The following EEPD1 variants were observed in gnomAD, a reference collection of about 807,000 sequenced individuals.
EEPD1 encodes endonuclease/exonuclease/phosphatase family domain-containing protein 1.
In EEPD1, 17 loss-of-function variants were observed where a neutral mutation model predicts 46.3. The observed-to-expected ratio is 0.37, with a 90% CI of 0.25 to 0.55. The LOEUF (loss-of-function observed/expected upper bound fraction) is 0.55, where lower values mean the gene tolerates loss of function less well. EEPD1 is among the 20% of genes least tolerant of loss of function. The pLI, the probability that EEPD1 is intolerant of heterozygous loss-of-function variation, is 0.83. For missense variants in EEPD1, 673 were observed against 745.6 expected, an observed-to-expected ratio of 0.90 and a Z score of 1.13; for synonymous variants, 313 against 315.6, an observed-to-expected ratio of 0.99 and a Z score of 0.09.
At chr7:36,155,272 A>G (rs1390988110) in intron 2 of EEPD1, 70 bp downstream of exon 2, 1 of 1,454,038 alleles carries the variant, frequency 6.9e-7, no homozygotes, top group Middle Eastern at 1.9e-4. Flanking sequence ...TATGGATGCA[A>G]ATGAATGGAT....
rs748227863 is a variant in EEPD1 at position 36,155,215 on chromosome 7, A to G, written c.878+13A>G. 3 of 1,509,090 alleles carry G rather than the reference A, an allele frequency of 2.0e-6. No individual in the cohort carries two copies. Among genetic ancestry groups the G allele is most frequent in the East Asian group, 2.3e-5 (1 of 43,774 alleles). 93.5% of individuals were successfully genotyped at this position (1,509,090 alleles called of 1,614,324 possible). ...TCCTGGAAAACAGGTGAGGACAGGA[A>G]CCACCATGGGTGTTGGGTGTGAAGG... On this transcript the variant is annotated intron_variant, in intron 2 of 7. Coordinates refer to ENST00000242108, the MANE Select transcript of EEPD1 (RefSeq NM_030636.3).
At chr7:36,205,545 G>A (rs146728768) in intron 2 of EEPD1, among the ~76,000 whole-genome samples, 1 of 152,292 alleles carries the variant, frequency 6.6e-6, no homozygotes, top group Non-Finnish European at 1.5e-5. Flanking sequence ...GGTTTCATGT[G>A]TTCTTGCCCA....
rs62447773 is a variant in EEPD1, at chr7:36,279,594, C to T, written c.931-1521C>T. The stretch of plus-strand genomic sequence containing the variant: ...TGAGAGTGGCTTTCTGCAGCAGAGG[C>T]GTTGGGAGGCTCTGCTGAGAGGGTG... On this transcript the variant is annotated intron_variant, in intron 3 of 7. Transcript: ENST00000242108. Among the ~76,000 whole-genome samples the T allele has an allele frequency of 1.7e-3, 257 of 152,280 alleles. 2 individuals carry two copies. Among genetic ancestry groups the T allele is most frequent in the South Asian group, 2.9e-3 (14 of 4,826 alleles).
In EEPD1 at chr7:36,250,946, A is replaced by G. The variant is rs145833633; in HGVS notation, c.930+11910A>G. Among the ~76,000 whole-genome samples, 61 of 152,344 alleles carry G rather than the reference A, an allele frequency of 4.0e-4. 1 individual carries two copies. The highest frequency in any genetic ancestry group is 6.8e-3 in the Middle Eastern group (2 of 294). ...ACCAAATGAGATGAGCCTAGTGAGG[A>G]AATGAATCAACCCTTACCAGTGGGG... On this transcript the variant is annotated intron_variant, in intron 3 of 7. Coordinates refer to ENST00000242108, the MANE Select transcript of EEPD1 (RefSeq NM_030636.3).
At chr7:36,224,345 G>A (rs1010751223) in intron 2 of EEPD1, among the ~76,000 whole-genome samples, 13 of 152,216 alleles carry the variant, frequency 8.5e-5, no homozygotes, top group South Asian at 4.1e-4. Context: ...AGGAGAGATC[G>A]ATCCTTTACA....
chr7:36,264,155 A>G lies in EEPD1; in HGVS notation c.931-16960A>G, dbSNP rs573909552. 4.6e-5 allele frequency among the ~76,000 whole-genome samples: 7 copies of G among 152,360 alleles called. No homozygotes were observed. In the South Asian group the frequency reaches 8.3e-4, roughly 18 times the overall value. On this transcript the variant is annotated intron_variant, in intron 3 of 7. Transcript: ENST00000242108. ...AAAGCAAGAAGAAAAACTAAGGCAT[A>G]CAGAATTGCAGTTTGGTCTCTCTAG...
intron 2 of EEPD1, among the ~76,000 whole-genome samples, chr7:36,195,563 A>G (rs980234447): frequency 1.3e-5 from 2 of 152,202 alleles, no homozygotes; most frequent in Middle Eastern, 3.2e-3. Flanking sequence ...AGAAGCAGAG[A>G]GTAGAATGGT....
intron 2 of EEPD1, among the ~76,000 whole-genome samples, chr7:36,207,486 C>G (rs1201779715): frequency 6.6e-6 from 1 of 152,146 alleles, no homozygotes; most frequent in African/African-American, 2.4e-5. Flanking sequence ...ACTTGAAATC[C>G]TACCACGTGT....
intron 2 of EEPD1, among the ~76,000 whole-genome samples, chr7:36,168,662 G>A (rs1785028517): frequency 9.0e-6 from 1 of 111,444 alleles, no homozygotes; most frequent in Non-Finnish European, 2.4e-5. Flanking sequence ...AGAGGCTAAG[G>A]TGGGAGAAAG....
chr7:36,284,800 C>G lies in EEPD1; in HGVS notation c.1156C>G (p.Pro386Ala), dbSNP rs1787319113. ...NGHGKLAGPSPYLGRFKVGSH... is the reference protein window; with the variant it reads ...NGHGKLAGPSAYLGRFKVGSH... ...GCACGGGAAGCTGGCGGGCCCCAGC[C>G]CATACCTCGGGAGGTTCAAGGTACC... is the stretch of plus-strand genomic sequence containing the variant. The change falls in exon 5 of 8, where the codon CCA becomes GCA. Residue 386 changes from proline to alanine, a missense_variant. Transcript: ENST00000242108. The G allele has an allele frequency of 2.6e-6, 4 of 1,562,252 alleles. No homozygotes were observed. The East Asian group carries it at 9.6e-5, about 37-fold the overall frequency.
At chr7:36,263,614 G>A (rs771700625) in intron 3 of EEPD1, among the ~76,000 whole-genome samples, 39 of 152,314 alleles carry the variant, frequency 2.6e-4, no homozygotes, top group Non-Finnish European at 5.1e-4. Context: ...TGTACAATTC[G>A]AAGGGGTAAA....
chr7:36,250,751 G>A (rs1183780003), intron 3 of EEPD1, among the ~76,000 whole-genome samples: 2 of 152,252 alleles, frequency 1.3e-5, no homozygotes, highest in East Asian at 3.9e-4. Flanking sequence ...CCAGAAAGAT[G>A]CGTATATGTA....
intron 3 of EEPD1, among the ~76,000 whole-genome samples, chr7:36,272,483 G>A (rs1787123584): frequency 7.1e-6 from 1 of 140,264 alleles, no homozygotes; most frequent in South Asian, 2.3e-4. Flanking sequence ...GCCCTTGCAA[G>A]GTTTTTCTGG....
At chr7:36,282,859 A>G (rs1463551862) in intron 4 of EEPD1, among the ~76,000 whole-genome samples, 1 of 152,210 alleles carries the variant, frequency 6.6e-6, no homozygotes, top group African/African-American at 2.4e-5. Context: ...TCCCAGTTTC[A>G]TTTTAATGGG....
At chr7:36,213,016 G>A (rs1325302312) in intron 2 of EEPD1, among the ~76,000 whole-genome samples, 4 of 152,162 alleles carry the variant, frequency 2.6e-5, no homozygotes, top group Non-Finnish European at 4.4e-5. Context: ...AGCCAGGTAT[G>A]GTGGCATACG....
chr7:36,232,838 AG>A (rs1232924837), intron 2 of EEPD1, among the ~76,000 whole-genome samples: 1 of 152,010 alleles, frequency 6.6e-6, no homozygotes, highest in East Asian at 1.9e-4. Context: ...AATCAGAGTC[AG>A]TTGAAGTTAT....
intron 3 of EEPD1, among the ~76,000 whole-genome samples, chr7:36,271,541 A>G (rs1241918467): frequency 2.0e-5 from 3 of 151,942 alleles, no homozygotes; most frequent in Non-Finnish European, 4.4e-5. Context: ...TTGCAAAAAT[A>G]TTCTCCCATT....
At chr7:36,176,055 G>A (rs1186745899) in intron 2 of EEPD1, among the ~76,000 whole-genome samples, 3 of 152,148 alleles carry the variant, frequency 2.0e-5, no homozygotes, top group Non-Finnish European at 4.4e-5. Context: ...AGGAGGGGAG[G>A]CCCAGGGAAC....
chr7:36,214,609 C>T (rs1785996235), intron 2 of EEPD1, among the ~76,000 whole-genome samples: 1 of 152,228 alleles, frequency 6.6e-6, no homozygotes, highest in Non-Finnish European at 1.5e-5. Context: ...GGCCCTACCT[C>T]AGAGAGACTT....
Sources: gnomAD v4.1 joint callset for allele counts (sites outside exome capture counted in the v4.1 genomes callset) on GRCh38, gnomAD v4.1.1 for gene constraint, MANE v1.5 for transcripts, NCBI Gene and HGNC (gene_info 2026-07-23, HGNC 2026-07-21) for gene names.